RAB31: variants seen among roughly 807,000 people sequenced by gnomAD.
RAB31 encodes the protein ras-related protein Rab-31.
RAB31 carries 21 observed loss-of-function variants against 25.6 expected under a neutral mutation model. The ratio of observed to expected loss-of-function variants is 0.82; its 90% CI spans 0.58 to 1.18. The LOEUF is 1.18. Ranked by LOEUF, RAB31 falls within the 50% of genes most tolerant of loss-of-function variation. The probability of loss-of-function intolerance (pLI) is 0.00; values close to 1 mark genes in which losing one functional copy is unlikely to be tolerated. For synonymous variants in RAB31, 87 were observed against 84.0 expected (o/e 1.04, Z -0.20); for missense variants, 196 against 250.1 (o/e 0.78, Z 1.46).
At chr18:9,773,583 T>G (rs894219963) in intron 1 of RAB31, among the ~76,000 whole-genome samples, 3 of 152,196 alleles carry the variant, frequency 2.0e-5, no homozygotes, top group African/African-American at 4.8e-5. Context: ...TTTTTCTACT[T>G]TCTTCTACTT....
chr18:9,720,198 A>G (rs1326013599), intron 1 of RAB31, among the ~76,000 whole-genome samples: 12 of 152,192 alleles, frequency 7.9e-5, no homozygotes, highest in Non-Finnish European at 2.9e-5. Flanking sequence ...TCCTGACTTC[A>G]AGTGATCCAC....
intron 1 of RAB31, among the ~76,000 whole-genome samples, chr18:9,774,529 C>T (rs558874040): frequency 1.1e-4 from 16 of 152,174 alleles, no homozygotes; most frequent in Non-Finnish European, 1.6e-4. Flanking sequence ...TCTCAGGGAC[C>T]GCTTGTCCTC....
At chr18:9,857,114 A>T (rs2068820111) in intron 6 of RAB31, among the ~76,000 whole-genome samples, 1 of 152,138 alleles carries the variant, frequency 6.6e-6, no homozygotes, top group Admixed American at 6.5e-5. Context: ...TGTTGGCTAC[A>T]CAAAATGGCA....
chr18:9,796,623 T>C (rs892128305), intron 3 of RAB31, among the ~76,000 whole-genome samples: 2 of 152,146 alleles, frequency 1.3e-5, no homozygotes, highest in Non-Finnish European at 2.9e-5. Context: ...ATATATTTGC[T>C]TTCTAATGAC....
At chr18:9,800,735 C>G (rs901822761) in intron 3 of RAB31, among the ~76,000 whole-genome samples, 1 of 152,190 alleles carries the variant, frequency 6.6e-6, no homozygotes, top group Non-Finnish European at 1.5e-5. Flanking sequence ...TTGCTTTTGT[C>G]CACATTTGTT....
intron 5 of RAB31, among the ~76,000 whole-genome samples, chr18:9,826,220 A>G (rs990025391): frequency 1.4e-4 from 21 of 151,912 alleles, no homozygotes; most frequent in Non-Finnish European, 7.4e-5. Context: ...TACTAAAAAT[A>G]CAAAAATTAG....
intron 1 of RAB31, among the ~76,000 whole-genome samples, chr18:9,727,489 A>G (rs1334453818): frequency 2.0e-5 from 3 of 151,866 alleles, no homozygotes; most frequent in Non-Finnish European, 4.4e-5. Context: ...TAATTTTTAA[A>G]TTTTTTGTAG....
At chr18:9,752,957 A>C (rs900584275) in intron 1 of RAB31, among the ~76,000 whole-genome samples, 1 of 152,218 alleles carries the variant, frequency 6.6e-6, no homozygotes, top group Non-Finnish European at 1.5e-5. Flanking sequence ...CTCCAAAAAA[A>C]CTTAAAGAGA....
At chr18:9,798,999 G>T (rs776935694) in intron 3 of RAB31, among the ~76,000 whole-genome samples, 21 of 152,110 alleles carry the variant, frequency 1.4e-4, no homozygotes, top group Admixed American at 2.6e-4. Context: ...TGAGAGAATC[G>T]CTTGAACCCA....
chr18:9,734,729 C>T (rs1388929337), intron 1 of RAB31, among the ~76,000 whole-genome samples: 1 of 152,186 alleles, frequency 6.6e-6, no homozygotes, highest in Non-Finnish European at 1.5e-5. Context: ...AGGTGAGAGA[C>T]AAGTTGTGTG....
chr18:9,838,662 T>C (rs191923860), intron 5 of RAB31, among the ~76,000 whole-genome samples: 1 of 152,188 alleles, frequency 6.6e-6, no homozygotes, highest in Non-Finnish European at 1.5e-5. Context: ...CACAGGCCTG[T>C]TGGAAATGCT....
chr18:9,717,206 G>A (rs866071661), intron 1 of RAB31, among the ~76,000 whole-genome samples: 1 of 152,040 alleles, frequency 6.6e-6, no homozygotes, highest in African/African-American at 2.4e-5. Context: ...CCGAAAAGTC[G>A]GATTTAACAT....
intron 4 of RAB31, chr18:9,814,910 T>G (rs1418327572): frequency 7.5e-6 from 3 of 399,552 alleles, no homozygotes; most frequent in Non-Finnish European, 1.4e-5. Context: ...TAGATCAAGT[T>G]TTAATTTTAG....
At chr18:9,799,976 T>C (rs953483587) in intron 3 of RAB31, among the ~76,000 whole-genome samples, 1 of 152,176 alleles carries the variant, frequency 6.6e-6, no homozygotes, top group Non-Finnish European at 1.5e-5. Flanking sequence ...GAATGGGTTA[T>C]TGTGCTGGTT....
intron 5 of RAB31, among the ~76,000 whole-genome samples, chr18:9,835,348 T>C (rs1174982641): frequency 1.3e-5 from 2 of 151,510 alleles, no homozygotes; most frequent in Non-Finnish European, 2.9e-5. Flanking sequence ...CAGTGGTTCT[T>C]TCTCTGGCCT....
chr18:9,737,922 G>A (rs2068158574), intron 1 of RAB31, among the ~76,000 whole-genome samples: 1 of 152,092 alleles, frequency 6.6e-6, no homozygotes. Flanking sequence ...AGAGAGTTTT[G>A]TCTGCCCCCC....
chr18:9,841,778 A>G (rs1599063087), intron 5 of RAB31, among the ~76,000 whole-genome samples: 1 of 152,322 alleles, frequency 6.6e-6, no homozygotes, highest in East Asian at 1.9e-4. Context: ...ATGGAATATC[A>G]GATGAGTTAA....
At position 9,720,954 on chromosome 18, in the gene RAB31, G is replaced by A. The variant is rs142390328; in HGVS notation, c.39+12510G>A. Among the ~76,000 whole-genome samples, 880 of 152,234 alleles carry A rather than the reference G, an allele frequency of 5.8e-3. 4 individuals are homozygous for A. The highest frequency in any genetic ancestry group is 0.012 in the South Asian group (56 of 4,818). On this transcript the variant is annotated intron_variant, in intron 1 of 6. Coordinates refer to ENST00000578921, the MANE Select transcript of RAB31 (RefSeq NM_006868.4). Reference sequence around the variant, plus strand: ...ATGCAGATTTGGCTTAGCAGGTAGTGCTGTGCTTTCACCTGTGCAGGTCGT... The same window carrying A: ...ATGCAGATTTGGCTTAGCAGGTAGTACTGTGCTTTCACCTGTGCAGGTCGT...
chr18:9,779,220 G>C (rs67110309), intron 2 of RAB31, among the ~76,000 whole-genome samples: 20,541 of 152,036 alleles, frequency 0.14, 2,005 homozygotes, highest in African/African-American at 0.28. Flanking sequence ...ACTGTTATTA[G>C]TTTAAAAATT....
Sources: gnomAD v4.1 joint callset for allele counts (sites outside exome capture counted in the v4.1 genomes callset) on GRCh38, gnomAD v4.1.1 for gene constraint, MANE v1.5 for transcripts, NCBI Gene and HGNC (gene_info 2026-07-23, HGNC 2026-07-21) for gene names.